Variants in VAV3 observed in about 807,000 individuals in gnomAD.
VAV3 encodes the protein vav guanine nucleotide exchange factor 3, also known as guanine nucleotide exchange factor VAV3.
A neutral mutation model predicts 131.2 loss-of-function variants in VAV3; 94 were observed. The observed-to-expected ratio is 0.72, with a 90% CI of 0.61 to 0.85. The LOEUF (loss-of-function observed/expected upper bound fraction) is 0.85. Among genes scored for constraint, VAV3 ranks in the 40% least tolerant of loss-of-function variants. VAV3 has a pLI of 0.00. For missense variants in VAV3, 939 were observed against 1,002.7 expected, an observed-to-expected ratio of 0.94 and a Z score of 0.86; for synonymous variants, 349 against 342.0, an observed-to-expected ratio of 1.02 and a Z score of -0.22.
At chr1:107,922,919 T>C (rs984243698) in intron 1 of VAV3, among the ~76,000 whole-genome samples, 2 of 138,576 alleles carry the variant, frequency 1.4e-5, no homozygotes, top group Admixed American at 1.6e-4. Context: ...GCCACTGCAC[T>C]CCAGCCTGGG....
At chr1:107,930,069 T>C (rs1673350750) in intron 1 of VAV3, among the ~76,000 whole-genome samples, 1 of 151,926 alleles carries the variant, frequency 6.6e-6, no homozygotes, top group Admixed American at 6.6e-5. Flanking sequence ...GGAGGGGAAG[T>C]AGGGATGGTT....
intron 12 of VAV3, among the ~76,000 whole-genome samples, chr1:107,753,328 T>C (rs988843452): frequency 4.0e-5 from 6 of 151,868 alleles, no homozygotes; most frequent in Non-Finnish European, 7.4e-5. Flanking sequence ...GGGAAGTTCA[T>C]GTTTAATGAG....
intron 1 of VAV3, among the ~76,000 whole-genome samples, chr1:107,942,229 G>T (rs1308030973): frequency 1.3e-5 from 2 of 152,162 alleles, no homozygotes; most frequent in African/African-American, 4.8e-5. Context: ...CTAGCCTAGT[G>T]AGATGATGAA....
intron 2 of VAV3, among the ~76,000 whole-genome samples, chr1:107,868,135 T>C (rs1670087282): frequency 6.6e-6 from 1 of 152,124 alleles, no homozygotes; most frequent in South Asian, 2.1e-4. Context: ...CAAGCTCCTG[T>C]GGGGCTTTGA....
intron 21 of VAV3, among the ~76,000 whole-genome samples, chr1:107,615,055 A>G (rs1000405970): frequency 2.6e-5 from 4 of 152,164 alleles, no homozygotes; most frequent in Non-Finnish European, 5.9e-5. Flanking sequence ...CTAATTAAAT[A>G]AGAGTGGTAT....
chr1:107,926,105 C>T (rs907704601), intron 1 of VAV3, among the ~76,000 whole-genome samples: 3 of 151,874 alleles, frequency 2.0e-5, no homozygotes, highest in Admixed American at 6.6e-5. Context: ...CATGGTGAAG[C>T]CCCATCTCTA....
At chr1:107,670,079 A>G (rs1041961603) in intron 19 of VAV3, among the ~76,000 whole-genome samples, 1 of 152,212 alleles carries the variant, frequency 6.6e-6, no homozygotes, top group Admixed American at 6.5e-5. Flanking sequence ...GAGTATTTTC[A>G]TCTCCATTTT....
intron 1 of VAV3, among the ~76,000 whole-genome samples, chr1:107,927,653 T>G (rs1673227702): frequency 6.6e-6 from 1 of 152,044 alleles, no homozygotes; most frequent in African/African-American, 2.4e-5. Flanking sequence ...TAGTACTCCC[T>G]GTGGGCCTGT....
At chr1:107,651,564 G>GGGAC (rs1404417626) in intron 19 of VAV3, among the ~76,000 whole-genome samples, 2 of 149,914 alleles carry the variant, frequency 1.3e-5, no homozygotes, top group African/African-American at 4.9e-5. Flanking sequence ...GAGGGAGGGA[G>GGGAC]GGACCCTTTC....
At chr1:107,818,779 A>G (rs1667666001) in intron 2 of VAV3, among the ~76,000 whole-genome samples, 1 of 152,216 alleles carries the variant, frequency 6.6e-6, no homozygotes, top group African/African-American at 2.4e-5. Context: ...CATTCTCATG[A>G]TGCCAGGTCT....
At chr1:107,792,211 G>A (rs1024816348) in intron 2 of VAV3, among the ~76,000 whole-genome samples, 9 of 152,156 alleles carry the variant, frequency 5.9e-5, no homozygotes, top group Admixed American at 5.9e-4. Flanking sequence ...CACTGCTAAA[G>A]CAAGTGTTGA....
rs981887276 is a variant in VAV3 at position 107,942,660 on chromosome 1, A to G, written c.204+22006T>C. On this transcript the variant is annotated intron_variant, in intron 1 of 26. Transcript: ENST00000370056. ...CTACTACTGCTTCTTTTCTGATCATAACAAAACTTATTTTTCAAACCAATT... is the reference window on the plus strand; with the variant it reads ...CTACTACTGCTTCTTTTCTGATCATGACAAAACTTATTTTTCAAACCAATT... Among the ~76,000 whole-genome samples, 3 of 152,094 alleles carry G rather than the reference A, an allele frequency of 2.0e-5. No individual in the cohort carries two copies. The South Asian group carries it at 6.2e-4, about 32-fold the overall frequency.
chr1:107,664,124 CATA>C (rs1393383437), intron 19 of VAV3, among the ~76,000 whole-genome samples: 1 of 152,048 alleles, frequency 6.6e-6, no homozygotes, highest in Non-Finnish European at 1.5e-5. Context: ...TTAGCTATTA[CATA>C]ATGTTTTCTA....
At chr1:107,821,185 C>G (rs1171555937) in intron 2 of VAV3, among the ~76,000 whole-genome samples, 2 of 152,130 alleles carry the variant, frequency 1.3e-5, no homozygotes, top group African/African-American at 4.8e-5. Flanking sequence ...ATCCTGAAGA[C>G]AAACTATTTT....
At chr1:107,688,252 CCT>C (rs1334032751) in intron 18 of VAV3, 127 bp downstream of exon 18, 2 of 1,153,558 alleles carry the variant, frequency 1.7e-6, no homozygotes, top group African/African-American at 1.6e-5. Flanking sequence ...TTGGTTGTTC[CCT>C]CTGTTTCTGT....
chr1:107,933,307 GATAACC>G (rs1299841857), intron 1 of VAV3, among the ~76,000 whole-genome samples: 2 of 150,984 alleles, frequency 1.3e-5, no homozygotes, highest in Non-Finnish European at 3.0e-5. Flanking sequence ...CAGTACAAAA[GATAACC>G]TTTCTCCAGA....
chr1:107,945,864 A>G (rs1674236813), intron 1 of VAV3, among the ~76,000 whole-genome samples: 1 of 151,978 alleles, frequency 6.6e-6, no homozygotes, highest in Non-Finnish European at 1.5e-5. Context: ...AAACAGTCAC[A>G]AAAATAATAT....
chr1:107,675,343 G>A (rs923545675), intron 19 of VAV3, among the ~76,000 whole-genome samples: 1 of 152,078 alleles, frequency 6.6e-6, no homozygotes, highest in Non-Finnish European at 1.5e-5. Context: ...CTAGGAGATG[G>A]CTGCTACTAT....
At chr1:107,651,774 A>T (rs967632236) in intron 19 of VAV3, among the ~76,000 whole-genome samples, 1 of 152,062 alleles carries the variant, frequency 6.6e-6, no homozygotes, top group East Asian at 1.9e-4. Context: ...CAGCCTGATT[A>T]AAAAAATAAT....
Sources: allele counts gnomAD v4.1 joint callset (sites outside exome capture counted in the v4.1 genomes callset), GRCh38; gene constraint gnomAD v4.1.1; transcripts MANE v1.5; gene names NCBI Gene and HGNC (gene_info 2026-07-23, HGNC 2026-07-21).